Variants in CDH12 observed in about 807,000 individuals in gnomAD.
CDH12 encodes cadherin-12.
A neutral mutation model predicts 74.1 loss-of-function variants in CDH12; 41 were observed. That is an observed-to-expected ratio of 0.55 (90% confidence interval 0.43 to 0.72). The LOEUF (loss-of-function observed/expected upper bound fraction) is 0.72, where lower values mean the gene tolerates loss of function less well. Ranked by LOEUF, CDH12 falls within the 30% of genes least tolerant of loss-of-function variation. CDH12 has a pLI of 0.00. For missense variants in CDH12, 945 were observed against 977.2 expected, an observed-to-expected ratio of 0.97 and a Z score of 0.44; for synonymous variants, 399 against 355.0, an observed-to-expected ratio of 1.12 and a Z score of -1.39.
chr5:22,452,212 G>A (rs996471565), intron 2 of CDH12, among the ~76,000 whole-genome samples: 1 of 151,576 alleles, frequency 6.6e-6, no homozygotes, highest in African/African-American at 2.4e-5. Context: ...TCACAAAATA[G>A]AAAAATATCC....
At chr5:22,424,002 C>CAAAAA (rs1165781089) in intron 2 of CDH12, among the ~76,000 whole-genome samples, 1,039 of 28,106 alleles carry the variant, frequency 0.037, no homozygotes, top group Middle Eastern at 0.11. Context: ...GACTCTGTCT[C>CAAAAA]AAAAAAAAAA....
intron 3 of CDH12, among the ~76,000 whole-genome samples, chr5:22,213,920 CGT>C (rs961929253): frequency 6.6e-6 from 1 of 150,662 alleles, no homozygotes; most frequent in Non-Finnish European, 1.5e-5. Flanking sequence ...TGTGTGTGTG[CGT>C]GTGTGTGTGG....
intron 1 of CDH12, among the ~76,000 whole-genome samples, chr5:22,737,942 C>T (rs542445346): frequency 1.8e-4 from 27 of 152,126 alleles, no homozygotes; most frequent in Middle Eastern, 3.4e-3. Context: ...TAAAATGAGA[C>T]ACTTTTGAGA....
At chr5:22,663,168 G>A (rs1545968) in intron 1 of CDH12, among the ~76,000 whole-genome samples, 79,670 of 151,894 alleles carry the variant, frequency 0.52, 21,615 homozygotes, top group Non-Finnish European at 0.59. Flanking sequence ...AAAAATTGTA[G>A]CATATTTAAA....
At chr5:22,045,577 A>G (rs1275435896) in intron 5 of CDH12, among the ~76,000 whole-genome samples, 1 of 150,726 alleles carries the variant, frequency 6.6e-6, no homozygotes, top group East Asian at 1.9e-4. Context: ...TATGATATAT[A>G]TACAAAAATG....
At position 21,986,613 on chromosome 5, in the gene CDH12, A is replaced by G. The variant is rs1324810221; in HGVS notation, c.232-11228T>C. Among the ~76,000 whole-genome samples the G allele has an allele frequency of 3.3e-5, 5 of 152,286 alleles. No individual in the cohort carries two copies. The East Asian group carries it at 9.6e-4, about 29-fold the overall frequency. ...AAAATTTCCAGACAATAAACCATTC[A>G]TATCAAATTTTCAGTAATGGAATCT... On this transcript the variant is annotated intron_variant, in intron 5 of 14. Transcript: ENST00000382254.
intron 3 of CDH12, among the ~76,000 whole-genome samples, chr5:22,253,045 CT>C (rs1753187199): frequency 6.6e-6 from 1 of 151,922 alleles, no homozygotes; most frequent in Non-Finnish European, 1.5e-5. Context: ...ATATTTATGT[CT>C]AGCATCGTAT....
chr5:22,426,787 A>T (rs2126510521), intron 2 of CDH12, among the ~76,000 whole-genome samples: 1 of 152,280 alleles, frequency 6.6e-6, no homozygotes, highest in South Asian at 2.1e-4. Flanking sequence ...CACTTGTATT[A>T]TTATACATGG....
intron 8 of CDH12, among the ~76,000 whole-genome samples, chr5:21,833,076 ATAT>A (rs1749192712): frequency 1.4e-5 from 1 of 71,044 alleles, no homozygotes; most frequent in Non-Finnish European, 2.5e-5. Flanking sequence ...CATATAATAT[ATAT>A]TATATTATAA....
chr5:21,942,334 G>GTATATATATATATATA (rs761850084), intron 6 of CDH12, among the ~76,000 whole-genome samples: 153 of 106,932 alleles, frequency 1.4e-3, no homozygotes, highest in African/African-American at 6.4e-3. Context: ...GACAAATACA[G>GTATATATATATATATA]TATATATATA....
intron 3 of CDH12, among the ~76,000 whole-genome samples, chr5:22,384,860 T>C (rs1741932867): frequency 1.3e-5 from 2 of 152,344 alleles, no homozygotes; most frequent in Middle Eastern, 3.4e-3. Context: ...TTTCAGTTAA[T>C]ACAAGCCTTG....
At chr5:22,528,865 A>G (rs1198294121) in intron 1 of CDH12, among the ~76,000 whole-genome samples, 1 of 151,984 alleles carries the variant, frequency 6.6e-6, no homozygotes, top group African/African-American at 2.4e-5. Context: ...AATTATTAGC[A>G]TCTTTAAATC....
chr5:21,995,361 C>G (rs1454258935), intron 5 of CDH12, among the ~76,000 whole-genome samples: 1 of 151,750 alleles, frequency 6.6e-6, no homozygotes, highest in African/African-American at 2.4e-5. Context: ...CCAAATGAAA[C>G]GTGGTGTGTA....
At chr5:22,445,341 C>A (rs1461549997) in intron 2 of CDH12, among the ~76,000 whole-genome samples, 1 of 152,054 alleles carries the variant, frequency 6.6e-6, no homozygotes, top group Non-Finnish European at 1.5e-5. Flanking sequence ...GAGGAACAAG[C>A]AGGACATGAA....
chr5:21,934,709 G>A (rs1253241039), intron 6 of CDH12, among the ~76,000 whole-genome samples: 2 of 152,136 alleles, frequency 1.3e-5, no homozygotes, highest in Non-Finnish European at 2.9e-5. Context: ...ATGGTTTCTG[G>A]TGGGGAGAAA....
chr5:22,597,270 AT>A (rs1181401429), intron 1 of CDH12, among the ~76,000 whole-genome samples: 2 of 152,124 alleles, frequency 1.3e-5, no homozygotes, highest in Non-Finnish European at 2.9e-5. Context: ...ATAACAACTA[AT>A]TTTTTTAAAG....
At chr5:22,318,173 G>T (rs189133895) in intron 3 of CDH12, among the ~76,000 whole-genome samples, 43 of 152,226 alleles carry the variant, frequency 2.8e-4, no homozygotes, top group Admixed American at 2.0e-3. Flanking sequence ...TTAGAAAGCG[G>T]TCCTCATGTG....
At chr5:22,381,090 G>A (rs1460394625) in intron 3 of CDH12, among the ~76,000 whole-genome samples, 1 of 151,952 alleles carries the variant, frequency 6.6e-6, no homozygotes, top group Non-Finnish European at 1.5e-5. Flanking sequence ...ATTAATCTTA[G>A]TATAAGAGAA....
At chr5:22,779,327 A>G (rs995197480) in intron 1 of CDH12, among the ~76,000 whole-genome samples, 11 of 151,436 alleles carry the variant, frequency 7.3e-5, no homozygotes, top group Non-Finnish European at 1.5e-4. Flanking sequence ...AATACATTTC[A>G]CAAAGGACAT....
Sources: allele counts gnomAD v4.1 joint callset (sites outside exome capture counted in the v4.1 genomes callset), GRCh38; gene constraint gnomAD v4.1.1; transcripts MANE v1.5; gene names NCBI Gene and HGNC (gene_info 2026-07-23, HGNC 2026-07-21).